DOCK8: variants seen among roughly 807,000 people sequenced by gnomAD.
The protein encoded by DOCK8 is dedicator of cytokinesis protein 8.
In DOCK8, 141 loss-of-function variants were observed where a neutral mutation model predicts 245.6. That is an observed-to-expected ratio of 0.57 (90% confidence interval 0.50 to 0.66). The LOEUF (loss-of-function observed/expected upper bound fraction) is 0.66, where lower values mean the gene tolerates loss of function less well. Ranked by LOEUF, DOCK8 falls within the 30% of genes least tolerant of loss-of-function variation. The probability of loss-of-function intolerance (pLI) is 0.00; values close to 1 mark genes in which losing one functional copy is unlikely to be tolerated. For missense variants in DOCK8, 2,965 were observed against 2,603.4 expected, an observed-to-expected ratio of 1.14 and a Z score of -3.02; for synonymous variants, 1,168 against 970.2, an observed-to-expected ratio of 1.20 and a Z score of -3.79.
At chr9:362,940 T>C (rs1340930483) in intron 14 of DOCK8, among the ~76,000 whole-genome samples, 3 of 152,222 alleles carry the variant, frequency 2.0e-5, no homozygotes, top group Admixed American at 1.3e-4. Flanking sequence ...GGTCCCAAGA[T>C]GGTAAGAGCA....
chr9:340,141 C>T lies in DOCK8; in HGVS notation c.1517-18C>T, dbSNP rs369418561. 8.7e-6 allele frequency: 14 copies of T among 1,613,014 alleles called. No homozygotes were observed. The Admixed American group carries it at 1.0e-4, about 12-fold the overall frequency. ...ATGACAGTTTCTTTACTAGAACATT[C>T]CTATTTTCTCTCTTTAGGCTTGCTA... On this transcript the variant is annotated intron_variant, in intron 13 of 47. Coordinates refer to ENST00000432829, the MANE Select transcript of DOCK8 (RefSeq NM_203447.4).
chr9:238,794 C>T (rs369470573), intron 1 of DOCK8, among the ~76,000 whole-genome samples: 5 of 152,164 alleles, frequency 3.3e-5, no homozygotes, highest in African/African-American at 1.2e-4. Context: ...GCTATACTTT[C>T]ATATAAGAAA....
intron 27 of DOCK8, among the ~76,000 whole-genome samples, chr9:406,488 CAAAAAAAAAAA>C (rs202229906): frequency 3.6e-4 from 34 of 95,222 alleles, no homozygotes; most frequent in East Asian, 1.4e-3. Context: ...CTCTGTCTTT[CAAAAAAAAAAA>C]AAAAAAAAAA....
chr9:236,340 T>C (rs1384681099), intron 1 of DOCK8, among the ~76,000 whole-genome samples: 4 of 152,256 alleles, frequency 2.6e-5, no homozygotes, highest in African/African-American at 9.6e-5. Context: ...GTTTATGTAT[T>C]TCATTATTCA....
intron 15 of DOCK8, chr9:369,216 T>C (rs976847021): frequency 3.3e-5 from 5 of 152,122 alleles, no homozygotes; most frequent in Admixed American, 6.5e-5. Context: ...GTCTTCCCAA[T>C]GCAAGGTGTC....
chr9:401,730 C>G (rs570892602), intron 26 of DOCK8, among the ~76,000 whole-genome samples: 1 of 152,292 alleles, frequency 6.6e-6, no homozygotes, highest in South Asian at 2.1e-4. Flanking sequence ...CAATCTTTGA[C>G]TTGTTTACAT....
In DOCK8 at chr9:399,270, C is replaced by A. The variant is rs370277930; in HGVS notation, c.3234+11C>A. Reference sequence around the variant, plus strand: ...CATTATTGCAGCCAGGTGAGTGTCCCCCCCACCCCCACCCCCGAGCGAGCC... The same window carrying A: ...CATTATTGCAGCCAGGTGAGTGTCCACCCCACCCCCACCCCCGAGCGAGCC... On this transcript the variant is annotated intron_variant, in intron 26 of 47. Coordinates refer to ENST00000432829, the MANE Select transcript of DOCK8 (RefSeq NM_203447.4). The A allele has an allele frequency of 7.1e-7, 1 of 1,402,194 alleles. No homozygotes were observed. Among genetic ancestry groups the A allele is most frequent in the South Asian group, 1.2e-5 (1 of 86,598 alleles). The allele number at this position is 1,402,194 out of a possible 1,614,324, so 86.9% of individuals were successfully genotyped here.
chr9:213,640 A>C (rs1000320178), upstream of DOCK8: 1 of 152,182 alleles, frequency 6.6e-6, no homozygotes, highest in Non-Finnish European at 1.5e-5. Flanking sequence ...ATTCAGACTA[A>C]CCATAATGCC....
At chr9:307,215 C>A (rs899136883) in intron 5 of DOCK8, among the ~76,000 whole-genome samples, 4 of 151,898 alleles carry the variant, frequency 2.6e-5, no homozygotes, top group African/African-American at 9.7e-5. Flanking sequence ...AAGAACAAGG[C>A]ATAAAAGGGT....
chr9:247,934 C>A (rs1233793938), intron 1 of DOCK8, among the ~76,000 whole-genome samples: 1 of 151,430 alleles, frequency 6.6e-6, no homozygotes, highest in Non-Finnish European at 1.5e-5. Flanking sequence ...TGTTTCATTG[C>A]CCCAATGTAT....
At chr9:299,584 T>G (rs1284604009) in intron 4 of DOCK8, among the ~76,000 whole-genome samples, 1 of 151,688 alleles carries the variant, frequency 6.6e-6, no homozygotes, top group Non-Finnish European at 1.5e-5. Flanking sequence ...CTTGAAATCG[T>G]TTTTGGATGT....
In DOCK8 at chr9:339,064, C is replaced by A; in HGVS notation, c.1481C>A (p.Ser494Ter). The A allele has an allele frequency of 1.2e-6, 2 of 1,614,108 alleles. No individual in the cohort carries two copies. The highest frequency in any genetic ancestry group is 1.7e-6 in the Non-Finnish European group (2 of 1,180,006). The change falls in exon 13 of 48, where the codon TCA becomes TAA. Residue 494 changes from serine to a stop codon, truncating the protein, a stop_gained. Coordinates refer to ENST00000432829, the MANE Select transcript of DOCK8 (RefSeq NM_203447.4). LOFTEE classifies it high-confidence loss of function. ...LFKFLADYKR[S>*]SSLQRRVKSI... ...AAGTTTTTAGCTGACTACAAAAGAT[C>A]ATCATCCTTACAGAGACGAGTCAAG...
chr9:323,129 C>T (rs569120176), intron 7 of DOCK8, among the ~76,000 whole-genome samples: 4 of 148,190 alleles, frequency 2.7e-5, no homozygotes, highest in South Asian at 2.1e-4. Flanking sequence ...AATTAATGTG[C>T]AATTACCTAA....
chr9:266,929 G>T (rs1257877990), intron 1 of DOCK8, among the ~76,000 whole-genome samples: 3 of 152,156 alleles, frequency 2.0e-5, no homozygotes, highest in Non-Finnish European at 4.4e-5. Flanking sequence ...AGAATCAAAT[G>T]TAGAGGAAAA....
At chr9:267,119 A>G (rs1373069960) in intron 1 of DOCK8, among the ~76,000 whole-genome samples, 1 of 152,228 alleles carries the variant, frequency 6.6e-6, no homozygotes, top group South Asian at 2.1e-4. Flanking sequence ...ATATTAGGAA[A>G]CTTAATAGCT....
At chr9:212,482 G>T (rs1050692700), upstream of DOCK8, among the ~76,000 whole-genome samples, 1 of 152,220 alleles carries the variant, frequency 6.6e-6, no homozygotes, top group African/African-American at 2.4e-5. Flanking sequence ...GATGGAAAAC[G>T]AAAGAGGCAG....
intron 46 of DOCK8, chr9:452,358 G>A (rs1450394731): frequency 1.5e-5 from 5 of 331,262 alleles, no homozygotes; most frequent in Admixed American, 8.8e-5. Context: ...AACACTACTT[G>A]AACTACTAAT....
At chr9:393,683 G>A (rs1242954175) in intron 24 of DOCK8, among the ~76,000 whole-genome samples, 1 of 152,168 alleles carries the variant, frequency 6.6e-6, no homozygotes, top group African/African-American at 2.4e-5. Flanking sequence ...GTAAACAGAT[G>A]AAGTTTTTTG....
chr9:417,510 A>G (rs1388312859), intron 29 of DOCK8, among the ~76,000 whole-genome samples: 4 of 152,176 alleles, frequency 2.6e-5, no homozygotes, highest in Non-Finnish European at 4.4e-5. Flanking sequence ...ATAGTTTTTG[A>G]TTGTATACTG....
Sources: gnomAD v4.1 joint callset for allele counts (sites outside exome capture counted in the v4.1 genomes callset) on GRCh38, gnomAD v4.1.1 for gene constraint, MANE v1.5 for transcripts, NCBI Gene and HGNC (gene_info 2026-07-23, HGNC 2026-07-21) for gene names.